Variants in EYS observed in about 807,000 individuals in gnomAD.
The protein encoded by EYS is EGF-like photoreceptor maintenance factor.
EYS carries 250 observed loss-of-function variants against 282.1 expected under a neutral mutation model. That is an observed-to-expected ratio of 0.89 (90% CI 0.80 to 0.98). The LOEUF is 0.98. Ranked by LOEUF, EYS falls within the 50% of genes least tolerant of loss-of-function variation. EYS has a pLI of 0.00. For synonymous variants in EYS, 1,355 were observed against 1,282.9 expected, an observed-to-expected ratio of 1.06 and a Z score of -1.20; for missense variants, 4,016 against 3,709.0, an observed-to-expected ratio of 1.08 and a Z score of -2.15.
At chr6:64,711,929 G>A (rs1771227244) in intron 22 of EYS, among the ~76,000 whole-genome samples, 1 of 152,136 alleles carries the variant, frequency 6.6e-6, no homozygotes, top group South Asian at 2.1e-4. Context: ...CTCAAAGTTG[G>A]GCACAACAGT....
At chr6:65,306,696 G>A (rs1445551336) in intron 11 of EYS, among the ~76,000 whole-genome samples, 1 of 146,698 alleles carries the variant, frequency 6.8e-6, no homozygotes, top group African/African-American at 2.5e-5. Flanking sequence ...AGCCAGGCGT[G>A]GTGGTGGGTG....
intron 26 of EYS, among the ~76,000 whole-genome samples, chr6:64,456,959 G>A (rs1295698072): frequency 6.6e-6 from 1 of 151,918 alleles, no homozygotes; most frequent in Non-Finnish European, 1.5e-5. Flanking sequence ...AATCTGAAAA[G>A]TGTGTAAAGC....
chr6:65,360,338 A>G (rs1167273228), intron 8 of EYS, among the ~76,000 whole-genome samples: 1 of 152,006 alleles, frequency 6.6e-6, no homozygotes, highest in Non-Finnish European at 1.5e-5. Flanking sequence ...TGGAAAATTA[A>G]TAAAGTAAAA....
At chr6:64,131,772 G>A (rs576152557) in intron 31 of EYS, among the ~76,000 whole-genome samples, 7 of 152,242 alleles carry the variant, frequency 4.6e-5, no homozygotes, top group Non-Finnish European at 7.4e-5. Context: ...ATTTTCAGCC[G>A]GGAGACTCTT....
intron 15 of EYS, among the ~76,000 whole-genome samples, chr6:64,914,089 C>T (rs1157243398): frequency 6.6e-6 from 1 of 151,740 alleles, no homozygotes; most frequent in Non-Finnish European, 1.5e-5. Flanking sequence ...GTGTTTTACA[C>T]ACAAAATTCT....
chr6:64,523,746 T>C (rs918309289), intron 26 of EYS, among the ~76,000 whole-genome samples: 1 of 151,726 alleles, frequency 6.6e-6, no homozygotes, highest in African/African-American at 2.4e-5. Flanking sequence ...ACTCCCTGAA[T>C]GATGAATATC....
At chr6:64,055,501 C>T (rs910625195) in intron 33 of EYS, among the ~76,000 whole-genome samples, 3 of 152,094 alleles carry the variant, frequency 2.0e-5, no homozygotes, top group Non-Finnish European at 4.4e-5. Context: ...CTTCCCCACT[C>T]GCAGGATTCT....
chr6:64,380,378 T>A (rs550837142), intron 29 of EYS, among the ~76,000 whole-genome samples: 6 of 152,306 alleles, frequency 3.9e-5, no homozygotes, highest in African/African-American at 1.2e-4. Context: ...CTTTTCAAAC[T>A]CAGTACTGAT....
intron 41 of EYS, among the ~76,000 whole-genome samples, chr6:63,752,060 G>A (rs1769351964): frequency 6.6e-6 from 1 of 152,148 alleles, no homozygotes; most frequent in Non-Finnish European, 1.5e-5. Flanking sequence ...CAATTTGGGG[G>A]TTGAACAGAT....
Position 65,118,754 on chromosome 6 carries a change from T to G in EYS, c.2024-61027A>C, listed in dbSNP as rs186557055. On this transcript the variant is annotated intron_variant, in intron 12 of 42. Transcript: ENST00000503581. ...GGGAGTAACAAATAAATCTATAATT[T>G]AATGGGACTACCATGCCTGCTTTGT... is the stretch of plus-strand genomic sequence containing the variant. 2.6e-5 allele frequency among the ~76,000 whole-genome samples: 4 copies of G among 152,186 alleles called. No individual in the cohort carries two copies. In the East Asian group the frequency reaches 5.8e-4, roughly 22 times the overall value.
chr6:63,839,129 C>A (rs1245666941), intron 36 of EYS, among the ~76,000 whole-genome samples: 1 of 152,178 alleles, frequency 6.6e-6, no homozygotes, highest in Non-Finnish European at 1.5e-5. Flanking sequence ...ATTATAGTCA[C>A]TCTGTAGTGT....
At chr6:64,806,739 G>A (rs958460433) in intron 22 of EYS, among the ~76,000 whole-genome samples, 1 of 151,902 alleles carries the variant, frequency 6.6e-6, no homozygotes, top group Admixed American at 6.6e-5. Context: ...TAAGATTAAA[G>A]GGAAATTTGG....
chr6:64,011,824 C>T (rs1038392275), intron 33 of EYS, among the ~76,000 whole-genome samples: 5 of 152,286 alleles, frequency 3.3e-5, no homozygotes, highest in East Asian at 1.9e-4. Context: ...ACAGCACCAA[C>T]TGCTTCTAGG....
At chr6:65,019,892 T>C (rs1047189312) in intron 13 of EYS, among the ~76,000 whole-genome samples, 1 of 137,374 alleles carries the variant, frequency 7.3e-6, no homozygotes, top group Non-Finnish European at 1.6e-5. Flanking sequence ...CATGTCCCTC[T>C]TCACATGGCG....
intron 5 of EYS, among the ~76,000 whole-genome samples, chr6:65,411,828 T>C (rs903459601): frequency 6.6e-6 from 1 of 151,890 alleles, no homozygotes; most frequent in Non-Finnish European, 1.5e-5. Context: ...TTTTTTTTTT[T>C]CGGTTAATTG....
intron 26 of EYS, among the ~76,000 whole-genome samples, chr6:64,465,519 A>C (rs1296086367): frequency 2.6e-5 from 4 of 152,160 alleles, no homozygotes. Context: ...TCTTTTATAA[A>C]TGGTGTTGAG....
chr6:64,449,710 T>G (rs1200130570), intron 26 of EYS, among the ~76,000 whole-genome samples: 2 of 152,148 alleles, frequency 1.3e-5, no homozygotes, highest in African/African-American at 4.8e-5. Context: ...CTCAACATTC[T>G]TAAAGAAAAG....
intron 12 of EYS, among the ~76,000 whole-genome samples, chr6:65,176,742 T>G (rs1765235461): frequency 6.6e-6 from 1 of 151,682 alleles, no homozygotes; most frequent in Admixed American, 6.6e-5. Flanking sequence ...ATTTTAAGAA[T>G]TAAATGATTA....
intron 31 of EYS, among the ~76,000 whole-genome samples, chr6:64,229,262 G>T (rs116857413): frequency 0.037 from 5,653 of 152,104 alleles, 261 homozygotes; most frequent in African/African-American, 0.11. Context: ...GCGGCAGAGC[G>T]AGACTCCATC....
Sources: gnomAD v4.1 joint callset for allele counts (sites outside exome capture counted in the v4.1 genomes callset) on GRCh38, gnomAD v4.1.1 for gene constraint, MANE v1.5 for transcripts, NCBI Gene and HGNC (gene_info 2026-07-23, HGNC 2026-07-21) for gene names.